KHDRBS2: variants seen among roughly 807,000 people sequenced by gnomAD.
KHDRBS2 encodes KH domain-containing, RNA-binding, signal transduction-associated protein 2.
A neutral mutation model predicts 44.3 loss-of-function variants in KHDRBS2; 26 were observed. The observed-to-expected ratio is 0.59, with a 90% CI of 0.43 to 0.81. KHDRBS2 has a LOEUF of 0.81. Ranked by LOEUF, KHDRBS2 falls within the 40% of genes least tolerant of loss-of-function variation. KHDRBS2 has a pLI of 0.00. For synonymous variants in KHDRBS2, 194 were observed against 151.1 expected, an observed-to-expected ratio of 1.28 and a Z score of -2.08; for missense variants, 476 against 433.1, an observed-to-expected ratio of 1.10 and a Z score of -0.88.
chr6:62,199,601 A>G (rs1230471746), intron 1 of KHDRBS2, among the ~76,000 whole-genome samples: 2 of 152,196 alleles, frequency 1.3e-5, no homozygotes, highest in Non-Finnish European at 2.9e-5. Flanking sequence ...AAACAAATGG[A>G]AGAAAATTCC....
chr6:61,727,128 A>C (rs1773703398), intron 7 of KHDRBS2, among the ~76,000 whole-genome samples: 1 of 152,122 alleles, frequency 6.6e-6, no homozygotes, highest in African/African-American at 2.4e-5. Flanking sequence ...ACACACCTAC[A>C]ACCATCTGAT....
chr6:62,078,883 T>C (rs1358797351), intron 2 of KHDRBS2, among the ~76,000 whole-genome samples: 1 of 152,050 alleles, frequency 6.6e-6, no homozygotes, highest in East Asian at 1.9e-4. Flanking sequence ...ACATTTTTTG[T>C]GTGTCACTGT....
chr6:62,237,516 A>G (rs575219535), intron 1 of KHDRBS2, among the ~76,000 whole-genome samples: 21 of 152,334 alleles, frequency 1.4e-4, no homozygotes, highest in African/African-American at 4.8e-4. Context: ...TAATGCTATC[A>G]AAAAGCAGAA....
At chr6:61,864,018 T>C (rs1797418481) in intron 6 of KHDRBS2, among the ~76,000 whole-genome samples, 1 of 152,204 alleles carries the variant, frequency 6.6e-6, no homozygotes, top group Non-Finnish European at 1.5e-5. Flanking sequence ...TTTTGTTGAA[T>C]TGAACTCCTT....
chr6:61,562,585 C>T, the KHDRBS2 span, among the ~76,000 whole-genome samples: 3 of 152,054 alleles, frequency 2.0e-5, no homozygotes, highest in Non-Finnish European at 4.4e-5. Flanking sequence ...CCAGATAGGC[C>T]TTTTGTCAGT....
chr6:61,949,949 G>C (rs907245725), intron 4 of KHDRBS2, among the ~76,000 whole-genome samples: 1 of 151,996 alleles, frequency 6.6e-6, no homozygotes, highest in Non-Finnish European at 1.5e-5. Context: ...TTTTTATTGA[G>C]TCAGTAAAAA....
At position 62,226,617 on chromosome 6, in the gene KHDRBS2, C is replaced by T. The variant is rs187039058; in HGVS notation, c.92-49305G>A. 2.4e-4 allele frequency among the ~76,000 whole-genome samples: 36 copies of T among 152,176 alleles called. 1 individual carries two copies. In the East Asian group the frequency reaches 5.2e-3, roughly 22 times the overall value. ...CTCATGAAGGCTTTGCCCATGACTACGTCTCAATGATACTGCTTAAGTTTT... is the reference window on the plus strand; with the variant it reads ...CTCATGAAGGCTTTGCCCATGACTATGTCTCAATGATACTGCTTAAGTTTT... On this transcript the variant is annotated intron_variant, in intron 1 of 8. Coordinates refer to ENST00000281156, the MANE Select transcript of KHDRBS2 (RefSeq NM_152688.4).
intron 1 of KHDRBS2, among the ~76,000 whole-genome samples, chr6:62,229,501 C>A (rs1290169045): frequency 2.0e-5 from 3 of 152,294 alleles, no homozygotes; most frequent in Non-Finnish European, 4.4e-5. Flanking sequence ...ATGGTTTAGA[C>A]AGCAGGCCTC....
At chr6:61,848,469 T>TTTTATATA (rs1251761353) in intron 6 of KHDRBS2, among the ~76,000 whole-genome samples, 2 of 73,682 alleles carry the variant, frequency 2.7e-5, no homozygotes, top group African/African-American at 1.3e-4. Flanking sequence ...AATGGAGGTT[T>TTTTATATA]TATATATATA....
At chr6:61,940,783 C>T (rs527538726) in intron 4 of KHDRBS2, among the ~76,000 whole-genome samples, 2 of 152,196 alleles carry the variant, frequency 1.3e-5, no homozygotes, top group Non-Finnish European at 2.9e-5. Context: ...GGCTAACATA[C>T]CAGGGGCTGA....
the KHDRBS2 span, among the ~76,000 whole-genome samples, chr6:61,666,527 C>A: frequency 4.0e-5 from 6 of 151,296 alleles, no homozygotes; most frequent in Non-Finnish European, 7.4e-5. Flanking sequence ...TTTCCTGATT[C>A]TTGCAGTTAA....
At chr6:61,868,812 G>A (rs931829590) in intron 6 of KHDRBS2, among the ~76,000 whole-genome samples, 6 of 152,188 alleles carry the variant, frequency 3.9e-5, no homozygotes, top group Non-Finnish European at 7.3e-5. Context: ...CCCCTTCCAA[G>A]GGGTATTATG....
intron 2 of KHDRBS2, among the ~76,000 whole-genome samples, chr6:62,060,642 T>C (rs889702406): frequency 2.0e-5 from 3 of 151,394 alleles, no homozygotes; most frequent in Non-Finnish European, 3.0e-5. Context: ...TCTATATATA[T>C]ATATATGAAC....
At chr6:61,624,485 G>A in the KHDRBS2 span, among the ~76,000 whole-genome samples, 2 of 152,162 alleles carry the variant, frequency 1.3e-5, no homozygotes, top group Non-Finnish European at 2.9e-5. Context: ...TAATACTTAT[G>A]GCTTTGAGTT....
chr6:62,072,265 T>C lies in KHDRBS2; in HGVS notation c.220-24271A>G, dbSNP rs528603380. On this transcript the variant is annotated intron_variant, in intron 2 of 8. Coordinates refer to ENST00000281156, the MANE Select transcript of KHDRBS2 (RefSeq NM_152688.4). ...GGCTGAGACGATGGGGTTTTCTAGA[T>C]ATACAATCATGTCATCTGCAAACAG... 1.7e-3 allele frequency among the ~76,000 whole-genome samples: 254 copies of C among 152,326 alleles called. 7 individuals carry two copies. In the South Asian group the frequency reaches 0.05, roughly 30 times the overall value.
the KHDRBS2 span, among the ~76,000 whole-genome samples, chr6:61,569,796 G>A: frequency 6.6e-6 from 1 of 152,212 alleles, no homozygotes; most frequent in Middle Eastern, 3.4e-3. Flanking sequence ...CTGGTAGCCT[G>A]GCTGGGTGGC....
At chr6:61,657,075 A>G in the KHDRBS2 span, among the ~76,000 whole-genome samples, 3 of 151,968 alleles carry the variant, frequency 2.0e-5, no homozygotes, top group Admixed American at 6.6e-5. Context: ...GTCCATAGAG[A>G]GAGTAGATTA....
intron 7 of KHDRBS2, among the ~76,000 whole-genome samples, chr6:61,725,844 T>C (rs1470513519): frequency 6.6e-6 from 1 of 151,954 alleles, no homozygotes; most frequent in African/African-American, 2.4e-5. Flanking sequence ...GAATCTCAGA[T>C]AGATTCACAG....
intron 6 of KHDRBS2, among the ~76,000 whole-genome samples, chr6:61,811,848 G>A (rs1316098087): frequency 6.6e-6 from 1 of 151,850 alleles, no homozygotes; most frequent in African/African-American, 2.4e-5. Context: ...GTCAGCCCAC[G>A]ATAAAATCTG....
Sources: gnomAD v4.1 joint callset for allele counts (sites outside exome capture counted in the v4.1 genomes callset) on GRCh38, gnomAD v4.1.1 for gene constraint, MANE v1.5 for transcripts, NCBI Gene and HGNC (gene_info 2026-07-23, HGNC 2026-07-21) for gene names.